The following RGS6 variants were observed in gnomAD, a reference collection of about 807,000 sequenced individuals.
RGS6 encodes the protein regulator of G-protein signaling 6.
Under a neutral mutation model 78.5 loss-of-function variants are expected in RGS6, and 30 were observed. The observed-to-expected ratio is 0.38, with a 90% CI of 0.29 to 0.52. The LOEUF is 0.52. Among genes scored for constraint, RGS6 ranks in the 20% least tolerant of loss-of-function variants. The pLI is 0.85. For synonymous variants in RGS6, 206 were observed against 206.0 expected, an observed-to-expected ratio of 1.00 and a Z score of 0.00; for missense variants, 495 against 609.7, an observed-to-expected ratio of 0.81 and a Z score of 1.98.
the RGS6 span, among the ~76,000 whole-genome samples, chr14:72,618,916 T>C: frequency 3.3e-5 from 5 of 152,018 alleles, no homozygotes; most frequent in East Asian, 9.7e-4. Flanking sequence ...TGGAACACAA[T>C]AGATAAAAAA....
chr14:72,248,330 G>T (rs193147868), intron 2 of RGS6, among the ~76,000 whole-genome samples: 1 of 152,316 alleles, frequency 6.6e-6, no homozygotes, highest in African/African-American at 2.4e-5. Context: ...TGCCAAGAAT[G>T]TAAAAAGAAT....
chr14:72,297,310 C>T (rs55954287), intron 2 of RGS6, among the ~76,000 whole-genome samples: 8,872 of 151,874 alleles, frequency 0.058, 426 homozygotes, highest in East Asian at 0.3. Context: ...TTCTACAAAA[C>T]GTCTTCAGAA....
intron 2 of RGS6, among the ~76,000 whole-genome samples, chr14:72,346,675 T>C (rs2078122950): frequency 6.6e-6 from 1 of 152,178 alleles, no homozygotes; most frequent in South Asian, 2.1e-4. Flanking sequence ...GGCCTATCAC[T>C]GTAGGGATGA....
intron 2 of RGS6, among the ~76,000 whole-genome samples, chr14:72,292,006 G>T (rs763927254): frequency 6.6e-6 from 1 of 151,972 alleles, no homozygotes; most frequent in African/African-American, 2.4e-5. Flanking sequence ...AAAATCTGGC[G>T]TCACACAGCA....
intron 2 of RGS6, among the ~76,000 whole-genome samples, chr14:72,036,200 A>ATATTATTATTCT (rs2091682808): frequency 6.8e-6 from 1 of 146,800 alleles, no homozygotes. Flanking sequence ...GCATGTAAAC[A>ATATTATTATTCT]TATTATTATT....
chr14:72,274,362 G>A (rs7149034), intron 2 of RGS6, among the ~76,000 whole-genome samples: 90,140 of 152,016 alleles, frequency 0.59, 26,985 homozygotes, highest in Non-Finnish European at 0.64. Context: ...CAGGGCTTGG[G>A]GTCCTGCTTT....
At chr14:72,288,307 A>T (rs2062956657) in intron 2 of RGS6, among the ~76,000 whole-genome samples, 1 of 152,212 alleles carries the variant, frequency 6.6e-6, no homozygotes, top group African/African-American at 2.4e-5. Context: ...TCTTCTAATT[A>T]TCCTGGTGGA....
intron 1 of RGS6, among the ~76,000 whole-genome samples, chr14:71,939,682 A>T (rs796283860): frequency 5.9e-5 from 9 of 152,360 alleles, no homozygotes; most frequent in African/African-American, 2.2e-4. Flanking sequence ...CTGGTACAGC[A>T]GCTGCAATTG....
chr14:72,403,298 G>A (rs1175800709), intron 3 of RGS6, among the ~76,000 whole-genome samples: 1 of 152,190 alleles, frequency 6.6e-6, no homozygotes, highest in East Asian at 1.9e-4. Context: ...GTCATTCATG[G>A]CAACATGGAT....
chr14:72,598,553 C>T, the RGS6 span, among the ~76,000 whole-genome samples: 6 of 152,332 alleles, frequency 3.9e-5, no homozygotes, highest in Admixed American at 1.3e-4. Flanking sequence ...CCCCACTCGG[C>T]GGCTGGGGAC....
chr14:72,396,111 A>G (rs191415300), intron 3 of RGS6, among the ~76,000 whole-genome samples: 2,801 of 152,226 alleles, frequency 0.018, 103 homozygotes, highest in African/African-American at 0.063. Context: ...TCGCCACACC[A>G]ACTTCCACAA....
In RGS6 at chr14:72,550,703, G is replaced by A. The variant is rs941289708; in HGVS notation, c.1422+10609G>A. 6.6e-5 allele frequency: 93 copies of A among 1,410,344 alleles called. 1 individual carries two copies. In the African/African-American group the frequency reaches 7.9e-4, roughly 12 times the overall value. The allele number at this position is 1,410,344 out of a possible 1,614,324, so 87.4% of individuals were successfully genotyped here. On this transcript the variant is annotated intron_variant, in intron 17 of 17. Coordinates refer to ENST00000553525, the MANE Select transcript of RGS6 (RefSeq NM_001204424.2). ...TAGCCTTTGTGAGTCATCACAATCC[G>A]GTGGTTTTACACCTGATGGAGGTTT...
At chr14:72,188,019 C>A (rs1469901975) in intron 2 of RGS6, among the ~76,000 whole-genome samples, 1 of 152,024 alleles carries the variant, frequency 6.6e-6, no homozygotes, top group Non-Finnish European at 1.5e-5. Flanking sequence ...CATTTTAAAA[C>A]ATTTTTCTGC....
At chr14:72,176,322 A>G (rs1454942283) in intron 2 of RGS6, among the ~76,000 whole-genome samples, 4 of 152,084 alleles carry the variant, frequency 2.6e-5, no homozygotes, top group South Asian at 2.1e-4. Flanking sequence ...ATACTTCCCT[A>G]TGTGCTTTAG....
intron 2 of RGS6, among the ~76,000 whole-genome samples, chr14:72,232,096 T>A (rs2049786599): frequency 6.6e-6 from 1 of 152,174 alleles, no homozygotes; most frequent in African/African-American, 2.4e-5. Flanking sequence ...AAGAAGAATT[T>A]GTGGTCTGAA....
At chr14:72,146,359 A>G (rs867839706) in intron 2 of RGS6, among the ~76,000 whole-genome samples, 4 of 152,262 alleles carry the variant, frequency 2.6e-5, no homozygotes, top group Middle Eastern at 3.4e-3. Flanking sequence ...CAAAATTCAC[A>G]TTCTTCTCAC....
chr14:72,122,456 C>T (rs1294694316), intron 2 of RGS6, among the ~76,000 whole-genome samples: 1 of 152,196 alleles, frequency 6.6e-6, no homozygotes, highest in Non-Finnish European at 1.5e-5. Flanking sequence ...AGTCACACAG[C>T]CAGTATGTTT....
chr14:72,461,930 A>G (rs2095792561), intron 6 of RGS6, among the ~76,000 whole-genome samples: 1 of 152,118 alleles, frequency 6.6e-6, no homozygotes, highest in South Asian at 2.1e-4. Context: ...AAATGCATGT[A>G]AGGTTCTCTG....
intron 2 of RGS6, among the ~76,000 whole-genome samples, chr14:72,186,172 A>T (rs926996839): frequency 4.6e-5 from 7 of 152,128 alleles, no homozygotes; most frequent in African/African-American, 1.7e-4. Context: ...AACTGCCCTT[A>T]CCAAAGCAGA....
Sources: gnomAD v4.1 joint callset for allele counts (sites outside exome capture counted in the v4.1 genomes callset) on GRCh38, gnomAD v4.1.1 for gene constraint, MANE v1.5 for transcripts, NCBI Gene and HGNC (gene_info 2026-07-23, HGNC 2026-07-21) for gene names.